The following SYPL1 variants were observed in gnomAD, a reference collection of about 807,000 sequenced individuals.
SYPL1 encodes the protein synaptophysin like 1.
Under a neutral mutation model 23.7 loss-of-function variants are expected in SYPL1, and 6 were observed. That is an observed-to-expected ratio of 0.25 (90% CI 0.14 to 0.50). The LOEUF is 0.50. Ranked by LOEUF, SYPL1 falls within the 20% of genes least tolerant of loss-of-function variation. SYPL1 has a pLI of 0.98. For synonymous variants in SYPL1, 102 were observed against 104.5 expected (o/e 0.98, Z 0.15); for missense variants, 253 against 288.9 (o/e 0.88, Z 0.90).
Position 106,104,882 on chromosome 7 carries a change from C to A in SYPL1, c.70-5600G>T, listed in dbSNP as rs761112331. 1.2e-4 allele frequency among the ~76,000 whole-genome samples: 18 copies of A among 152,134 alleles called. No individual in the cohort carries two copies. Among genetic ancestry groups the A allele is most frequent in the Non-Finnish European group, 1.8e-4 (12 of 68,032 alleles). On this transcript the variant is annotated intron_variant, in intron 1 of 4. Transcript: ENST00000455385. This position sits in a 1 kb window ranked among gnomAD's most constrained non-coding sequence, Gnocchi z 4.1. ...TGGCAGCCTGTTGGTAAAACCCGGC[C>A]TGCAAATATATTTGTGTGGCCTTTC...
At chr7:106,107,924 G>A (rs1353837833) in intron 1 of SYPL1, among the ~76,000 whole-genome samples, 1 of 152,122 alleles carries the variant, frequency 6.6e-6, no homozygotes, top group Non-Finnish European at 1.5e-5. Context: ...GCCAGGCGCG[G>A]TGGCTCATGC....
intron 1 of SYPL1, among the ~76,000 whole-genome samples, chr7:106,110,493 A>G (rs1361539985): frequency 1.3e-5 from 2 of 152,244 alleles, no homozygotes; most frequent in East Asian, 3.8e-4. Flanking sequence ...TCCTTAATAG[A>G]TCATGAGAAA....
rs1264162899 is a variant in SYPL1, at chr7:106,093,748, C to T, written c.403-611G>A. 2.4e-4 allele frequency among the ~76,000 whole-genome samples: 31 copies of T among 127,106 alleles called. 5 individuals carry two copies. The highest frequency in any genetic ancestry group is 9.2e-5 in the Non-Finnish European group (5 of 54,182). The allele number at this position is 127,106 out of a possible 152,430, so 83.4% of individuals were successfully genotyped here. ...TCTAACTTTAGTTAAACCAAATTCT[C>T]CATGAGATGGATAATAAAATGGTGA... On this transcript the variant is annotated intron_variant, in intron 3 of 4. Coordinates refer to ENST00000455385, the MANE Select transcript of SYPL1 (RefSeq NM_182715.4).
intron 3 of SYPL1, among the ~76,000 whole-genome samples, chr7:106,093,503 C>A (rs1045020282): frequency 2.6e-5 from 4 of 152,138 alleles, no homozygotes; most frequent in Non-Finnish European, 5.9e-5. Flanking sequence ...TTTTGATCAT[C>A]CCATTTTCCC....
intron 2 of SYPL1, 106 bp downstream of exon 2, chr7:106,099,052 A>G: frequency 1.5e-6 from 2 of 1,374,036 alleles, no homozygotes; most frequent in Non-Finnish European, 2.0e-6. Flanking sequence ...ATGAGCATAC[A>G]GTCTAAAATT....
Position 106,091,753 on chromosome 7 carries a change from C to A in SYPL1, c.*52G>T. The A allele has an allele frequency of 6.5e-7, 1 of 1,546,428 alleles. No individual in the cohort carries two copies. Among genetic ancestry groups the A allele is most frequent in the Non-Finnish European group, 8.7e-7 (1 of 1,147,178 alleles). ...CAAATAATGCTTCTCAAGGTGTTGG[C>A]AACATGTCATAGTATCAACATATAC... On this transcript the variant is annotated 3_prime_UTR_variant, in exon 5 of 5. Coordinates refer to ENST00000455385, the MANE Select transcript of SYPL1 (RefSeq NM_182715.4). The surrounding 1 kb of genome is among the most constrained non-coding windows in gnomAD (Gnocchi z 5.0).
intron 1 of SYPL1, among the ~76,000 whole-genome samples, chr7:106,102,923 T>G (rs965629374): frequency 2.0e-5 from 3 of 152,176 alleles, no homozygotes; most frequent in Non-Finnish European, 4.4e-5. Flanking sequence ...AGGGAGAATT[T>G]AAGATTTTTT....
rs774927589 is a variant in SYPL1, at chr7:106,091,786, A to G, written c.*19T>C. 4 of 1,601,140 alleles carry G rather than the reference A, an allele frequency of 2.5e-6. No individual in the cohort carries two copies. The South Asian group carries it at 3.4e-5, about 14-fold the overall frequency. On this transcript the variant is annotated 3_prime_UTR_variant, in exon 5 of 5. Transcript: ENST00000455385. This position sits in a 1 kb window ranked among gnomAD's most constrained non-coding sequence, Gnocchi z 5.0. ...CATAGTATCAACATATACTTCATAC[A>G]GTGTATTTCTCCCTTTAATTATATT... is the stretch of plus-strand genomic sequence containing the variant.
At chr7:106,094,549 T>G (rs1839917766) in intron 3 of SYPL1, among the ~76,000 whole-genome samples, 1 of 152,242 alleles carries the variant, frequency 6.6e-6, no homozygotes, top group South Asian at 2.1e-4. Flanking sequence ...GCTTATATTT[T>G]CTGCACTGTG....
rs964433037 is a variant in SYPL1, at chr7:106,097,502, C to G, written c.402+188G>C. Among the ~76,000 whole-genome samples, 3 of 151,982 alleles carry G rather than the reference C, an allele frequency of 2.0e-5. No individual in the cohort carries two copies. Among genetic ancestry groups the G allele is most frequent in the Non-Finnish European group, 4.4e-5 (3 of 67,984 alleles). ...TAGATTTAAAAAAGAAATAAACTTTCCTTATAGTGCAAATAGGCTAAAAAA... is the reference window on the plus strand; with the variant it reads ...TAGATTTAAAAAAGAAATAAACTTTGCTTATAGTGCAAATAGGCTAAAAAA... On this transcript the variant is annotated intron_variant, in intron 3 of 4. Transcript: ENST00000455385. The surrounding 1 kb of genome is among the most constrained non-coding windows in gnomAD (Gnocchi z 4.6).
At position 106,099,389 on chromosome 7, in the gene SYPL1, C is replaced by A. The variant is rs937278790; in HGVS notation, c.70-107G>T. ...AAGCACACTGATTATTAAAAATTGGCTAACATTCTAGAAATTCTTTTTTTG... is the reference window on the plus strand; with the variant it reads ...AAGCACACTGATTATTAAAAATTGGATAACATTCTAGAAATTCTTTTTTTG... On this transcript the variant is annotated intron_variant, in intron 1 of 4. Coordinates refer to ENST00000455385, the MANE Select transcript of SYPL1 (RefSeq NM_182715.4). The A allele has an allele frequency of 1.4e-5, 18 of 1,317,308 alleles. No individual in the cohort carries two copies. In the Middle Eastern group the frequency reaches 1.0e-3, roughly 77 times the overall value. The allele number at this position is 1,317,308 out of a possible 1,614,324, so 81.6% of individuals were successfully genotyped here.
chr7:106,098,505 A>G (rs552903718), intron 2 of SYPL1, among the ~76,000 whole-genome samples: 1 of 152,342 alleles, frequency 6.6e-6, no homozygotes, highest in South Asian at 2.1e-4. Flanking sequence ...GCCTTACAAG[A>G]TAATACTTCC....
chr7:106,097,868 G>C lies in SYPL1; in HGVS notation c.224C>G (p.Pro75Arg). Residue 75 changes from proline (P) to arginine (R), a missense_variant, in exon 3 of 5, where the codon CCA becomes CGA. By Grantham distance (103) the Pro-to-Arg change is moderately radical. Coordinates refer to ENST00000455385, the MANE Select transcript of SYPL1 (RefSeq NM_182715.4). This position sits in a 1 kb window ranked among gnomAD's most constrained non-coding sequence, Gnocchi z 4.6. ...RLNEASFQPP[P>R]GVNICDVNWK... is the part of the protein sequence containing the mutation. ...ATTTACATCACATATGTTTACACCTGGAGGTGGCTGAAATGATGCCTCATT... is the reference window on the plus strand; with the variant it reads ...ATTTACATCACATATGTTTACACCTCGAGGTGGCTGAAATGATGCCTCATT... The C allele has an allele frequency of 6.2e-7, 1 of 1,613,078 alleles. No homozygotes were observed. Among genetic ancestry groups the C allele is most frequent in the South Asian group, 1.1e-5 (1 of 91,008 alleles).
At chr7:106,108,436 G>C (rs1465374401) in intron 1 of SYPL1, among the ~76,000 whole-genome samples, 1 of 151,992 alleles carries the variant, frequency 6.6e-6, no homozygotes, top group East Asian at 1.9e-4. Flanking sequence ...CAACTTGATT[G>C]TCCCCTCCTG....
At chr7:106,099,694 C>T (rs1840216041) in intron 1 of SYPL1, among the ~76,000 whole-genome samples, 1 of 152,054 alleles carries the variant, frequency 6.6e-6, no homozygotes, top group African/African-American at 2.4e-5. Flanking sequence ...GTGCCCAGCC[C>T]CCACTACCCT....
chr7:106,111,332 G>A (rs1790135822), intron 1 of SYPL1, among the ~76,000 whole-genome samples: 1 of 152,182 alleles, frequency 6.6e-6, no homozygotes, highest in South Asian at 2.1e-4. Context: ...TATGTAGTGG[G>A]CCGCGAAGTT....
Position 106,093,153 on chromosome 7 carries a change from G to C in SYPL1, c.403-16C>G. The C allele has an allele frequency of 6.4e-7, 1 of 1,572,088 alleles. No homozygotes were observed. Among genetic ancestry groups the C allele is most frequent in the Admixed American group, 1.9e-5 (1 of 52,166 alleles). ...CAACAAAGTCCTAAAGCAAAAATCAGTAAGAGTTAATAATGAACAGTTAAT... is the reference window on the plus strand; with the variant it reads ...CAACAAAGTCCTAAAGCAAAAATCACTAAGAGTTAATAATGAACAGTTAAT... On this transcript the variant is annotated splice_polypyrimidine_tract_variant and intron_variant, in intron 3 of 4. Coordinates refer to ENST00000455385, the MANE Select transcript of SYPL1 (RefSeq NM_182715.4).
At chr7:106,112,507 A>G, upstream of SYPL1, 2 of 1,524,220 alleles carry the variant, frequency 1.3e-6, no homozygotes, top group Non-Finnish European at 1.8e-6. Context: ...CCGCTGGCGA[A>G]CCAAGTAGAT....
chr7:106,103,641 T>G (rs1465603883), intron 1 of SYPL1, among the ~76,000 whole-genome samples: 1 of 152,262 alleles, frequency 6.6e-6, no homozygotes, highest in Non-Finnish European at 1.5e-5. Flanking sequence ...ATTTTTATAT[T>G]GACGACTTGT....
Sources: gnomAD v4.1 joint callset for allele counts (sites outside exome capture counted in the v4.1 genomes callset) on GRCh38, gnomAD v4.1.1 for gene constraint, Gnocchi (gnomAD v3.1) non-coding constraint, MANE v1.5 for transcripts, NCBI Gene and HGNC (gene_info 2026-07-23, HGNC 2026-07-21) for gene names.